The following HPSE2 variants were observed in gnomAD, a reference collection of about 807,000 sequenced individuals.
HPSE2 encodes heparanase 2 (inactive), also known as inactive heparanase-2.
HPSE2 carries 38 observed loss-of-function variants against 60.5 expected under a neutral mutation model. The observed-to-expected ratio is 0.63, with a 90% CI of 0.48 to 0.82. HPSE2 has a LOEUF of 0.82. Among genes scored for constraint, HPSE2 ranks in the 40% least tolerant of loss-of-function variants. The pLI, the probability that HPSE2 is intolerant of heterozygous loss-of-function variation, is 0.00. For synonymous variants in HPSE2, 295 were observed against 293.2 expected (o/e 1.01, Z -0.06); for missense variants, 713 against 740.4 (o/e 0.96, Z 0.43).
chr10:99,058,434 T>C (rs1011362608), intron 3 of HPSE2, among the ~76,000 whole-genome samples: 5 of 152,204 alleles, frequency 3.3e-5, no homozygotes, highest in Admixed American at 2.0e-4. Context: ...CCCTAAACGT[T>C]TCCTGTACCA....
chr10:98,603,439 G>GTGTT (rs1554951315), intron 9 of HPSE2, among the ~76,000 whole-genome samples: 1 of 144,160 alleles, frequency 6.9e-6, no homozygotes, highest in African/African-American at 2.5e-5. Context: ...CTGTTTTTTT[G>GTGTT]TTTTTTTTTT....
intron 6 of HPSE2, among the ~76,000 whole-genome samples, chr10:98,661,380 A>G (rs1451775388): frequency 1.3e-5 from 2 of 152,202 alleles, no homozygotes; most frequent in African/African-American, 4.8e-5. Flanking sequence ...ATATATGTAC[A>G]AGGCTCAGAA....
the HPSE2 span, among the ~76,000 whole-genome samples, chr10:99,294,432 T>C: frequency 1.4e-5 from 2 of 146,462 alleles, no homozygotes; most frequent in Non-Finnish European, 3.0e-5. Context: ...TAATATATAA[T>C]ATATACATAT....
intron 3 of HPSE2, among the ~76,000 whole-genome samples, chr10:99,026,395 G>T (rs1957378317): frequency 6.6e-6 from 1 of 151,804 alleles, no homozygotes; most frequent in Non-Finnish European, 1.5e-5. Context: ...ATGATTAAGG[G>T]GTCAATTTAG....
At chr10:98,560,661 A>G (rs1415898557) in intron 9 of HPSE2, among the ~76,000 whole-genome samples, 2 of 152,194 alleles carry the variant, frequency 1.3e-5, no homozygotes, top group African/African-American at 4.8e-5. Context: ...TTGAACAGCC[A>G]TTTCCAATGT....
At chr10:99,106,864 C>CTT (rs925162344) in intron 3 of HPSE2, among the ~76,000 whole-genome samples, 1 of 151,914 alleles carries the variant, frequency 6.6e-6, no homozygotes, top group African/African-American at 2.4e-5. Context: ...CTTTCTGACT[C>CTT]TTAAGTTTGT....
chr10:99,027,769 G>A (rs374560081), intron 3 of HPSE2, among the ~76,000 whole-genome samples: 16 of 144,766 alleles, frequency 1.1e-4, no homozygotes, highest in African/African-American at 3.8e-4. Flanking sequence ...CAAAATACTA[G>A]TAAACCAAAC....
At chr10:99,269,513 CT>C in the HPSE2 span, among the ~76,000 whole-genome samples, 1 of 152,118 alleles carries the variant, frequency 6.6e-6, no homozygotes, top group Non-Finnish European at 1.5e-5. Context: ...TAGCAGGGGA[CT>C]TCAATACTCC....
intron 3 of HPSE2, among the ~76,000 whole-genome samples, chr10:98,849,324 T>C (rs1340802345): frequency 6.6e-6 from 1 of 152,214 alleles, no homozygotes; most frequent in Non-Finnish European, 1.5e-5. Context: ...TATAAGCACA[T>C]GTGTGAAGGA....
At chr10:99,013,502 T>C (rs28729355) in intron 3 of HPSE2, 9 of 350,872 alleles carry the variant, frequency 2.6e-5, no homozygotes, top group Non-Finnish European at 4.4e-5. Flanking sequence ...GATACAGTCT[T>C]GCTTTGTCAC....
intron 7 of HPSE2, among the ~76,000 whole-genome samples, chr10:98,629,273 CT>C (rs1456604444): frequency 6.6e-6 from 1 of 152,188 alleles, no homozygotes; most frequent in Non-Finnish European, 1.5e-5. Context: ...GGAAATCAAC[CT>C]TCCCCAGAAT....
intron 2 of HPSE2, among the ~76,000 whole-genome samples, chr10:99,186,327 A>T (rs1000817698): frequency 6.6e-6 from 1 of 152,000 alleles, no homozygotes; most frequent in Admixed American, 6.6e-5. Context: ...GGCAGATCAC[A>T]AGGTCAGGAG....
intron 3 of HPSE2, among the ~76,000 whole-genome samples, chr10:99,050,227 A>C (rs1957958349): frequency 6.6e-6 from 1 of 152,080 alleles, no homozygotes; most frequent in African/African-American, 2.4e-5. Context: ...ACCTGAGCCC[A>C]GGAGTCTGAG....
Position 98,641,872 on chromosome 10 carries a change from G to A in HPSE2, c.1073C>T (p.Ser358Phe), listed in dbSNP as rs372269653. The A allele has an allele frequency of 2.5e-6, 4 of 1,613,764 alleles. No homozygotes were observed. The highest frequency in any genetic ancestry group is 3.4e-6 in the Non-Finnish European group (4 of 1,179,760). ...TTTCTGAATTTTCCTAATCTGGTCA[G>A]AGAGTGTGTCTAACAGGCGAGTTTT... ...FLKTRLLDTL[S>F]DQIRKIQKVV... Residue 358 changes from serine to phenylalanine, a missense_variant, in exon 7 of 12, where the codon TCT becomes TTT. Transcript: ENST00000370552.
chr10:99,252,572 T>C, the HPSE2 span, among the ~76,000 whole-genome samples: 1 of 151,960 alleles, frequency 6.6e-6, no homozygotes, highest in Non-Finnish European at 1.5e-5. Context: ...CCCTTTACAA[T>C]AGCCACAAAA....
intron 3 of HPSE2, among the ~76,000 whole-genome samples, chr10:98,750,118 G>A (rs577697158): frequency 2.6e-5 from 4 of 151,814 alleles, no homozygotes; most frequent in Non-Finnish European, 5.9e-5. Flanking sequence ...CACAATTAAG[G>A]TGTCATTTGA....
chr10:99,257,003 C>A, the HPSE2 span, among the ~76,000 whole-genome samples: 2 of 152,186 alleles, frequency 1.3e-5, no homozygotes, highest in African/African-American at 4.8e-5. Context: ...TTTATAATTT[C>A]TTACGCCTGT....
intron 9 of HPSE2, among the ~76,000 whole-genome samples, chr10:98,534,152 C>T (rs1222774963): frequency 6.6e-6 from 1 of 152,188 alleles, no homozygotes; most frequent in Non-Finnish European, 1.5e-5. Context: ...GTGGCATCTG[C>T]TCTGAAGATC....
chr10:98,996,583 A>C (rs1956646276), intron 3 of HPSE2, among the ~76,000 whole-genome samples: 1 of 152,266 alleles, frequency 6.6e-6, no homozygotes, highest in Admixed American at 6.5e-5. Flanking sequence ...AATACTTTAC[A>C]GTCAGTAAAT....
Sources: allele counts gnomAD v4.1 joint callset (sites outside exome capture counted in the v4.1 genomes callset), GRCh38; gene constraint gnomAD v4.1.1; transcripts MANE v1.5; gene names NCBI Gene and HGNC (gene_info 2026-07-23, HGNC 2026-07-21).